Variants in AUTS2 observed in about 807,000 individuals in gnomAD.
AUTS2 encodes the protein autism susceptibility gene 2 protein.
Under a neutral mutation model 112.4 loss-of-function variants are expected in AUTS2, and 17 were observed. That is an observed-to-expected ratio of 0.15 (90% CI 0.10 to 0.23). The LOEUF (loss-of-function observed/expected upper bound fraction) is 0.23, where lower values mean the gene tolerates loss of function less well. AUTS2 is among the 10% of genes least tolerant of loss of function. The probability of loss-of-function intolerance (pLI) is 1.00; values close to 1 mark genes in which losing one functional copy is unlikely to be tolerated. For synonymous variants in AUTS2, 751 were observed against 702.7 expected (o/e 1.07, Z -1.09); for missense variants, 1,510 against 1,701.6 (o/e 0.89, Z 1.98).
chr7:70,344,735 C>CA (rs1791418225), intron 4 of AUTS2, among the ~76,000 whole-genome samples: 1 of 152,144 alleles, frequency 6.6e-6, no homozygotes, highest in African/African-American at 2.4e-5. Context: ...CCCCATCCTG[C>CA]AAAACCATTT....
chr7:70,282,431 C>T (rs1433246098), intron 4 of AUTS2, among the ~76,000 whole-genome samples: 2 of 152,166 alleles, frequency 1.3e-5, no homozygotes, highest in African/African-American at 2.4e-5. Context: ...GATCAAGATG[C>T]TGGCAGGTTC....
chr7:70,619,295 G>A (rs1018695530), intron 5 of AUTS2, among the ~76,000 whole-genome samples: 1 of 152,194 alleles, frequency 6.6e-6, no homozygotes, highest in African/African-American at 2.4e-5. Context: ...TATCCTTCAC[G>A]GAAAGGCAGA....
At chr7:70,606,325 A>G (rs1219038472) in intron 5 of AUTS2, among the ~76,000 whole-genome samples, 3 of 143,006 alleles carry the variant, frequency 2.1e-5, no homozygotes, top group Non-Finnish European at 3.1e-5. Context: ...GTAATCTATG[A>G]TTCTTAAAAG....
chr7:70,048,344 G>C lies in AUTS2; in HGVS notation c.523-69788G>C, dbSNP rs559585981. 1.8e-4 allele frequency among the ~76,000 whole-genome samples: 28 copies of C among 152,210 alleles called. 1 individual carries two copies. Among genetic ancestry groups the C allele is most frequent in the African/African-American group, 5.3e-4 (22 of 41,530 alleles). On this transcript the variant is annotated intron_variant, in intron 2 of 18. Transcript: ENST00000342771. ...CCTCTTTGTCCCCTTAACAAGCTCT[G>C]GATTTTTCTTTAACACCCAGTTCCT... is the stretch of plus-strand genomic sequence containing the variant.
chr7:69,651,979 C>T (rs910214173), intron 1 of AUTS2, among the ~76,000 whole-genome samples: 8 of 152,112 alleles, frequency 5.3e-5, no homozygotes, highest in African/African-American at 1.9e-4. Flanking sequence ...TGTTCAAAGT[C>T]CCCACTGACA....
chr7:69,886,286 G>A (rs1794268043), intron 1 of AUTS2, among the ~76,000 whole-genome samples: 2 of 152,316 alleles, frequency 1.3e-5, no homozygotes, highest in South Asian at 4.1e-4. Flanking sequence ...AGGAATGCCT[G>A]CACATCTTCA....
At chr7:70,683,612 A>G (rs1288244682) in intron 5 of AUTS2, among the ~76,000 whole-genome samples, 2 of 152,272 alleles carry the variant, frequency 1.3e-5, no homozygotes, top group Non-Finnish European at 2.9e-5. Context: ...GAAGCATTCA[A>G]GAAAAGCTGT....
intron 2 of AUTS2, among the ~76,000 whole-genome samples, chr7:69,964,227 C>T (rs1198484184): frequency 6.6e-6 from 1 of 152,160 alleles, no homozygotes; most frequent in Non-Finnish European, 1.5e-5. Context: ...CCAGCTCAGA[C>T]ATGGACCAGC....
chr7:70,444,819 G>A (rs1043239912), intron 5 of AUTS2, among the ~76,000 whole-genome samples: 1 of 152,098 alleles, frequency 6.6e-6, no homozygotes, highest in Non-Finnish European at 1.5e-5. Context: ...TTTGAAATAA[G>A]GAAAGACCAG....
At chr7:70,789,108 C>G (rs1791706792) in intron 18 of AUTS2, among the ~76,000 whole-genome samples, 1 of 152,218 alleles carries the variant, frequency 6.6e-6, no homozygotes, top group African/African-American at 2.4e-5. Flanking sequence ...CTTATCCCAT[C>G]TGGTGCACAA....
chr7:70,695,516 T>C (rs1809037650), intron 5 of AUTS2, among the ~76,000 whole-genome samples: 5 of 152,110 alleles, frequency 3.3e-5, no homozygotes, highest in Admixed American at 3.3e-4. Context: ...AACTCGCGCT[T>C]AAGTTTCCAG....
intron 5 of AUTS2, among the ~76,000 whole-genome samples, chr7:70,632,462 G>T (rs966253721): frequency 6.6e-6 from 1 of 151,776 alleles, no homozygotes; most frequent in East Asian, 2.0e-4. Flanking sequence ...TCTTCACTTT[G>T]CTCTCTGACC....
rs769454662 is a variant in AUTS2 at position 70,450,728 on chromosome 7, GA to G, written c.690+14950del. The stretch of plus-strand genomic sequence containing the variant: ...CAGGCAGTGGCATGAAGGATGGAGT[GA>G]AAGGGGGTGAAAGTTGTCATAATGG... On this transcript the variant is annotated intron_variant, in intron 5 of 18. Transcript: ENST00000342771. Among the ~76,000 whole-genome samples, 3 of 152,266 alleles carry G rather than the reference GA, an allele frequency of 2.0e-5. No individual in the cohort carries two copies. In the East Asian group the frequency reaches 5.8e-4, roughly 29 times the overall value.
chr7:70,417,263 C>G (rs1308753606), intron 4 of AUTS2, among the ~76,000 whole-genome samples: 1 of 152,192 alleles, frequency 6.6e-6, no homozygotes, highest in Non-Finnish European at 1.5e-5. Context: ...CAGATGGAGG[C>G]AGAGGCAGCG....
chr7:69,773,106 T>C (rs1186175039), intron 1 of AUTS2, among the ~76,000 whole-genome samples: 1 of 152,194 alleles, frequency 6.6e-6, no homozygotes, highest in Non-Finnish European at 1.5e-5. Flanking sequence ...GGAAGGTTAG[T>C]GCGCAGCCGA....
At chr7:70,231,169 ACCT>A (rs1812028903) in intron 4 of AUTS2, among the ~76,000 whole-genome samples, 1 of 152,032 alleles carries the variant, frequency 6.6e-6, no homozygotes, top group African/African-American at 2.4e-5. Flanking sequence ...GGATTTGCCA[ACCT>A]CCTCACTCAG....
chr7:70,344,655 T>G (rs981713506), intron 4 of AUTS2, among the ~76,000 whole-genome samples: 1 of 152,200 alleles, frequency 6.6e-6, no homozygotes, highest in Non-Finnish European at 1.5e-5. Flanking sequence ...TTTTGAGGAT[T>G]AGGAGACATT....
chr7:70,604,693 A>G (rs1236446934), intron 5 of AUTS2, among the ~76,000 whole-genome samples: 4 of 152,212 alleles, frequency 2.6e-5, no homozygotes, highest in Non-Finnish European at 5.9e-5. Context: ...CTGACAGAGA[A>G]GCTATGGACA....
intron 4 of AUTS2, among the ~76,000 whole-genome samples, chr7:70,314,690 A>G (rs1789915583): frequency 6.6e-6 from 1 of 152,192 alleles, no homozygotes; most frequent in Admixed American, 6.5e-5. Flanking sequence ...TATCAAGGGT[A>G]TCTAGTAAAA....
Sources: allele counts gnomAD v4.1 joint callset (sites outside exome capture counted in the v4.1 genomes callset), GRCh38; gene constraint gnomAD v4.1.1; transcripts MANE v1.5; gene names NCBI Gene and HGNC (gene_info 2026-07-23, HGNC 2026-07-21).